The following ZNF367 variants were observed in gnomAD, a reference collection of about 807,000 sequenced individuals.
ZNF367 encodes zinc finger protein 367.
ZNF367 carries 11 observed loss-of-function variants against 31.8 expected under a neutral mutation model. That is an observed-to-expected ratio of 0.35 (90% CI 0.22 to 0.57). ZNF367 has a LOEUF of 0.57. Among genes scored for constraint, ZNF367 ranks in the 20% least tolerant of loss-of-function variants. The pLI, the probability that ZNF367 is intolerant of heterozygous loss-of-function variation, is 0.85. For missense variants in ZNF367, 353 were observed against 484.1 expected, an observed-to-expected ratio of 0.73 and a Z score of 2.54; for synonymous variants, 199 against 202.4, an observed-to-expected ratio of 0.98 and a Z score of 0.14.
intron 1 of ZNF367, among the ~76,000 whole-genome samples, chr9:96,414,484 CA>C (rs1322330582): frequency 1.3e-5 from 2 of 151,852 alleles, no homozygotes; most frequent in East Asian, 3.8e-4. Context: ...ATCTTGTTAG[CA>C]ATTTTTTTTT....
chr9:96,392,275 T>C (rs756749519), intron 4 of ZNF367, 123 bp downstream of exon 4: 3 of 1,442,810 alleles, frequency 2.1e-6, no homozygotes, highest in Admixed American at 3.5e-5. Flanking sequence ...GGGTCATTTC[T>C]AATTATGTTA....
rs1831511795 is a variant in ZNF367, at chr9:96,394,827, T to C, written c.687A>G (p.Glu229=). 2 of 1,613,826 alleles carry C rather than the reference T, an allele frequency of 1.2e-6. No individual in the cohort carries two copies. The highest frequency in any genetic ancestry group is 2.2e-5 in the East Asian group (1 of 44,864). ...ACTTAACTTCTAACACCGTACCATT[T>C]TCTGAACAAACAAAAGGTTTCTCTC... ...HTGEKPFVCS[E]NGCLSRFTHA... The change falls in exon 3 of 5, where the codon GAA becomes GAG. Residue 229 remains glutamate, a synonymous_variant. Transcript: ENST00000375256.
At chr9:96,394,965 T>C (rs1293962966) in intron 2 of ZNF367, 23 bp from the exon 3 acceptor site, 3 of 1,612,794 alleles carry the variant, frequency 1.9e-6, no homozygotes, top group Non-Finnish European at 2.5e-6. Flanking sequence ...ATGTTAGATA[T>C]TATATCTGAG....
chr9:96,393,329 G>A (rs1831494363), intron 3 of ZNF367, among the ~76,000 whole-genome samples: 1 of 151,918 alleles, frequency 6.6e-6, no homozygotes, highest in Non-Finnish European at 1.5e-5. Flanking sequence ...TTCAAAACCA[G>A]CCTGGCCAAC....
chr9:96,393,530 A>AAAAT (rs756965719), intron 3 of ZNF367, among the ~76,000 whole-genome samples: 306 of 150,834 alleles, frequency 2.0e-3, no homozygotes, highest in Non-Finnish European at 3.3e-3. Context: ...AAAACAATAA[A>AAAAT]AAATAAATAA....
chr9:96,415,836 T>C lies in ZNF367; in HGVS notation c.420+1777A>G, dbSNP rs990154424. 2.0e-5 allele frequency among the ~76,000 whole-genome samples: 3 copies of C among 151,972 alleles called. No homozygotes were observed. In the South Asian group the frequency reaches 6.2e-4, roughly 32 times the overall value. The stretch of plus-strand genomic sequence containing the variant: ...TTTTGTTAAAGAGTTGAGGTCTTGC[T>C]TTGTCACCCAGACTGAAGTGCAGTG... On this transcript the variant is annotated intron_variant, in intron 1 of 4. Transcript: ENST00000375256.
chr9:96,388,701 A>G (rs1000373990), intron 4 of ZNF367, among the ~76,000 whole-genome samples: 1 of 152,224 alleles, frequency 6.6e-6, no homozygotes, highest in African/African-American at 2.4e-5. Flanking sequence ...CTCACTCTCA[A>G]ATCACGTTTT....
At chr9:96,415,229 T>C (rs1831803710) in intron 1 of ZNF367, among the ~76,000 whole-genome samples, 1 of 149,070 alleles carries the variant, frequency 6.7e-6, no homozygotes, top group Admixed American at 6.7e-5. Context: ...CAATTTTTTT[T>C]TTTTTTTTTT....
chr9:96,394,698 A>T, intron 3 of ZNF367, 125 bp downstream of exon 3: 1 of 907,404 alleles, frequency 1.1e-6, no homozygotes, highest in Non-Finnish European at 1.6e-6. Flanking sequence ...TCAAAGAAGA[A>T]AGCTTATAAA....
At chr9:96,412,526 C>G (rs1422977248) in intron 1 of ZNF367, among the ~76,000 whole-genome samples, 1 of 152,188 alleles carries the variant, frequency 6.6e-6, no homozygotes, top group Admixed American at 6.5e-5. Flanking sequence ...CTTCCCATGA[C>G]TTGCATACAT....
At chr9:96,404,401 T>C (rs970084451) in intron 1 of ZNF367, among the ~76,000 whole-genome samples, 114 of 151,982 alleles carry the variant, frequency 7.5e-4, no homozygotes, top group African/African-American at 2.6e-3. Context: ...GAGACCATCC[T>C]GGCTAACATG....
In ZNF367 at chr9:96,417,980, G is replaced by A; in HGVS notation, c.53C>T (p.Pro18Leu). Reference protein sequence around the residue: ...PMAENPPPPPPPVIFCHDSPK... With the variant: ...PMAENPPPPPLPVIFCHDSPK... ...GGAGTCGTGGCAGAAGATGACGGGC[G>A]GCGGCGGCGGCGGCGGGTTCTCCGC... Residue 18 changes from proline (P) to leucine (L), a missense_variant, in exon 1 of 5, where the codon CCG becomes CTG. Coordinates refer to ENST00000375256, the MANE Select transcript of ZNF367 (RefSeq NM_153695.4). The surrounding 1 kb of genome is among the most constrained non-coding windows in gnomAD (Gnocchi z 5.0). 7.0e-7 allele frequency: 1 copy of A among 1,425,622 alleles called. No individual in the cohort carries two copies. Among genetic ancestry groups the A allele is most frequent in the Non-Finnish European group, 9.1e-7 (1 of 1,095,514 alleles). The allele number at this position is 1,425,622 out of a possible 1,614,324, so 88.3% of individuals were successfully genotyped here. A position where few individuals can be genotyped will look rare whatever the true frequency, so the allele number is the denominator to read the frequency against.
chr9:96,391,492 G>T (rs1831471512), intron 4 of ZNF367, among the ~76,000 whole-genome samples: 1 of 152,116 alleles, frequency 6.6e-6, no homozygotes, highest in Non-Finnish European at 1.5e-5. Context: ...GAAACCCACA[G>T]CCCAGCATGG....
chr9:96,390,108 T>C (rs1425787448), intron 4 of ZNF367, among the ~76,000 whole-genome samples: 1 of 151,042 alleles, frequency 6.6e-6, no homozygotes, highest in African/African-American at 2.4e-5. Context: ...GGTCCTGCCA[T>C]TTAGCCAGGC....
chr9:96,404,133 A>G (rs1321231422), intron 1 of ZNF367, among the ~76,000 whole-genome samples: 5 of 152,098 alleles, frequency 3.3e-5, no homozygotes, highest in African/African-American at 7.2e-5. Context: ...ACTGCATTCC[A>G]GCCTGGGCAA....
chr9:96,417,976 G>T lies in ZNF367; in HGVS notation c.57C>A (p.Pro19=). The T allele has an allele frequency of 6.9e-7, 1 of 1,446,284 alleles. No individual in the cohort carries two copies. The highest frequency in any genetic ancestry group is 9.1e-7 in the Non-Finnish European group (1 of 1,104,142). The allele number at this position is 1,446,284 out of a possible 1,614,324, so 89.6% of individuals were successfully genotyped here. Residue 19 remains proline, a synonymous_variant, in exon 1 of 5, where the codon CCC becomes CCA. Coordinates refer to ENST00000375256, the MANE Select transcript of ZNF367 (RefSeq NM_153695.4). The surrounding 1 kb of genome is among the most constrained non-coding windows in gnomAD (Gnocchi z 5.0). ...TCGGGGAGTCGTGGCAGAAGATGAC[G>T]GGCGGCGGCGGCGGCGGCGGGTTCT... ...MAENPPPPPP[P]VIFCHDSPKR... is the part of the protein sequence containing the mutation.
chr9:96,401,514 G>A (rs941578911), intron 1 of ZNF367, among the ~76,000 whole-genome samples: 11 of 151,942 alleles, frequency 7.2e-5, no homozygotes, highest in South Asian at 2.1e-4. Flanking sequence ...AAAATTAGCC[G>A]GGCATGGTGG....
rs892968899 is a variant in ZNF367 at position 96,417,776 on chromosome 9, G to A, written c.257C>T (p.Ala86Val). The A allele has an allele frequency of 1.3e-5, 17 of 1,265,488 alleles. No homozygotes were observed. Among genetic ancestry groups the A allele is most frequent in the Non-Finnish European group, 1.5e-5 (15 of 1,002,818 alleles). 78.4% of individuals were successfully genotyped at this position (1,265,488 alleles called of 1,614,324 possible). ...NAHNVTLSPG[A>V]AGAAASAALP... is the part of the protein sequence containing the mutation. ...GGCGGCCGAGGCGGCGGCCCCCGCGGCCCCAGGGCTGAGCGTCACGTTGTG... is the reference window on the plus strand; with the variant it reads ...GGCGGCCGAGGCGGCGGCCCCCGCGACCCCAGGGCTGAGCGTCACGTTGTG... The change falls in exon 1 of 5, where the codon GCC becomes GTC. Residue 86 changes from alanine (A) to valine (V), a missense_variant. Physicochemically the swap from Ala to Val is moderately conservative, Grantham distance 64. This residue lies in a region of ZNF367 where 31 missense variants were observed against 58.4 expected (regional missense o/e 0.53). Transcript: ENST00000375256. This position sits in a 1 kb window ranked among gnomAD's most constrained non-coding sequence, Gnocchi z 5.0.
chr9:96,396,504 A>G (rs758385744), intron 2 of ZNF367, among the ~76,000 whole-genome samples: 135 of 152,236 alleles, frequency 8.9e-4, no homozygotes, highest in Admixed American at 2.5e-3. Flanking sequence ...AAAAACCACA[A>G]GTTAAAAAAA....
Sources: allele counts gnomAD v4.1 joint callset (sites outside exome capture counted in the v4.1 genomes callset), GRCh38; gene constraint gnomAD v4.1.1; regional missense constraint gnomAD v4.1.1; non-coding constraint Gnocchi (gnomAD v3.1); transcripts MANE v1.5; gene names NCBI Gene and HGNC (gene_info 2026-07-23, HGNC 2026-07-21).